Variants in SCAMP1 observed in about 807,000 individuals in gnomAD.
SCAMP1 encodes the protein secretory carrier-associated membrane protein 1.
Under a neutral mutation model 41.8 loss-of-function variants are expected in SCAMP1, and 15 were observed. That is an observed-to-expected ratio of 0.36 (90% confidence interval 0.24 to 0.55). SCAMP1 has a LOEUF of 0.55. Among genes scored for constraint, SCAMP1 ranks in the 20% least tolerant of loss-of-function variants. The pLI is 0.86. For missense variants in SCAMP1, 341 were observed against 412.6 expected, an observed-to-expected ratio of 0.83 and a Z score of 1.50; for synonymous variants, 135 against 136.8, an observed-to-expected ratio of 0.99 and a Z score of 0.09.
chr5:78,447,485 A>G (rs1753079746), intron 6 of SCAMP1, among the ~76,000 whole-genome samples: 1 of 152,228 alleles, frequency 6.6e-6, no homozygotes, highest in Admixed American at 6.5e-5. Context: ...AGAAAGGTAC[A>G]AAGGGAACGT....
chr5:78,403,119 C>A (rs1377477878), intron 2 of SCAMP1, among the ~76,000 whole-genome samples: 1 of 152,160 alleles, frequency 6.6e-6, no homozygotes, highest in Non-Finnish European at 1.5e-5. Flanking sequence ...GATCTGCCTG[C>A]CTCGGCCTCC....
chr5:78,423,726 T>G (rs1752397503), intron 6 of SCAMP1, among the ~76,000 whole-genome samples: 1 of 152,142 alleles, frequency 6.6e-6, no homozygotes, highest in African/African-American at 2.4e-5. Flanking sequence ...TGGTGGAACA[T>G]TTTTACTTGT....
chr5:78,417,535 G>A (rs1752238334), intron 4 of SCAMP1, among the ~76,000 whole-genome samples: 1 of 152,226 alleles, frequency 6.6e-6, no homozygotes, highest in Non-Finnish European at 1.5e-5. Context: ...CAGTAACAAA[G>A]AGTAGGAAAT....
At chr5:78,423,900 A>G (rs982156070) in intron 6 of SCAMP1, among the ~76,000 whole-genome samples, 3 of 150,692 alleles carry the variant, frequency 2.0e-5, no homozygotes, top group Non-Finnish European at 4.4e-5. Flanking sequence ...GCTGGAGTGC[A>G]ATGGCTTGAT....
rs540662845 is a variant in SCAMP1, at chr5:78,476,565, G to A, written c.*897G>A. 2 of 152,612 alleles carry A rather than the reference G, an allele frequency of 1.3e-5. No homozygotes were observed. The highest frequency in any genetic ancestry group is 3.9e-4 in the East Asian group (2 of 5,184). The allele number at this position is 152,612 out of a possible 1,614,324, so 9.5% of individuals were successfully genotyped here. ...ATATTCTGTGGTTACAACTAAGATT[G>A]TGTCTGGCAGCTCTTTTTTGGGGAT... On this transcript the variant is annotated 3_prime_UTR_variant, in exon 9 of 9. Coordinates refer to ENST00000621999, the MANE Select transcript of SCAMP1 (RefSeq NM_004866.6).
chr5:78,440,444 C>T (rs554158308), intron 6 of SCAMP1, among the ~76,000 whole-genome samples: 3 of 152,312 alleles, frequency 2.0e-5, no homozygotes, highest in East Asian at 1.9e-4. Context: ...GGACTGTCAG[C>T]TGCAGGTCTG....
intron 7 of SCAMP1, among the ~76,000 whole-genome samples, chr5:78,450,362 G>A (rs1157957547): frequency 6.6e-6 from 1 of 152,130 alleles, no homozygotes; most frequent in East Asian, 1.9e-4. Flanking sequence ...GGACAGGAAA[G>A]AGCTTCAGGG....
chr5:78,450,434 T>C (rs1753194375), intron 7 of SCAMP1, among the ~76,000 whole-genome samples: 1 of 152,318 alleles, frequency 6.6e-6, no homozygotes, highest in Admixed American at 6.5e-5. Flanking sequence ...CAAACAGATA[T>C]ATTTTTATAT....
intron 7 of SCAMP1, among the ~76,000 whole-genome samples, chr5:78,457,468 C>CT (rs1158398070): frequency 6.6e-6 from 1 of 152,220 alleles, no homozygotes; most frequent in East Asian, 1.9e-4. Context: ...TGTGCCCCTG[C>CT]TGGGGGGTGC....
chr5:78,428,270 T>G (rs1466729775), intron 6 of SCAMP1, among the ~76,000 whole-genome samples: 2 of 152,180 alleles, frequency 1.3e-5, no homozygotes, highest in African/African-American at 2.4e-5. Flanking sequence ...ATCTTTTTGC[T>G]GTGGATATCC....
chr5:78,382,092 G>A (rs183390319), intron 1 of SCAMP1, among the ~76,000 whole-genome samples: 18 of 152,286 alleles, frequency 1.2e-4, no homozygotes, highest in African/African-American at 4.3e-4. Context: ...AGTATCACCT[G>A]AGAACCTTTT....
At chr5:78,394,347 T>C (rs1463394569) in intron 2 of SCAMP1, among the ~76,000 whole-genome samples, 3 of 151,956 alleles carry the variant, frequency 2.0e-5, no homozygotes, top group African/African-American at 7.2e-5. Flanking sequence ...TTTATATATA[T>C]ATATATTACA....
intron 1 of SCAMP1, among the ~76,000 whole-genome samples, chr5:78,363,274 G>C (rs1002013424): frequency 6.6e-6 from 1 of 150,630 alleles, no homozygotes; most frequent in African/African-American, 2.4e-5. Flanking sequence ...GTGCAGTGGC[G>C]CGATCTCTGC....
chr5:78,375,810 T>G (rs191870628), intron 1 of SCAMP1, among the ~76,000 whole-genome samples: 8 of 152,306 alleles, frequency 5.3e-5, no homozygotes, highest in Non-Finnish European at 5.9e-5. Context: ...AAAAGTGAAA[T>G]TATTCTATGA....
At chr5:78,370,788 C>T (rs1172696466) in intron 1 of SCAMP1, 3 of 152,086 alleles carry the variant, frequency 2.0e-5, no homozygotes, top group African/African-American at 7.2e-5. Flanking sequence ...ATTTTATATT[C>T]CTGCTAGCAG....
At chr5:78,379,068 A>G (rs1333041180) in intron 1 of SCAMP1, among the ~76,000 whole-genome samples, 2 of 152,122 alleles carry the variant, frequency 1.3e-5, no homozygotes, top group Non-Finnish European at 2.9e-5. Context: ...GAAGAATAAC[A>G]TTTTCCTGCC....
intron 3 of SCAMP1, 90 bp from the exon 4 acceptor site, chr5:78,416,451 C>T: frequency 1.1e-6 from 1 of 908,248 alleles, no homozygotes. Context: ...TTAGGTTTCT[C>T]TCATAGTAGA....
intron 1 of SCAMP1, among the ~76,000 whole-genome samples, chr5:78,363,251 C>T (rs1399923497): frequency 1.3e-4 from 20 of 149,754 alleles, no homozygotes; most frequent in Middle Eastern, 7.1e-3. Flanking sequence ...CTCCCTCTGT[C>T]GCCCAGGTTG....
chr5:78,476,805 A>T lies in SCAMP1; in HGVS notation c.*1137A>T, dbSNP rs1440675661. ...GAATATATCTAAAATTTCCAGCAATAAAAAAAAAAGCATTTAACTTGCACC... is the reference window on the plus strand; with the variant it reads ...GAATATATCTAAAATTTCCAGCAATTAAAAAAAAAGCATTTAACTTGCACC... On this transcript the variant is annotated 3_prime_UTR_variant, in exon 9 of 9. Coordinates refer to ENST00000621999, the MANE Select transcript of SCAMP1 (RefSeq NM_004866.6). The T allele has an allele frequency of 1.4e-5, 2 of 147,488 alleles. No homozygotes were observed. Among genetic ancestry groups the T allele is most frequent in the Admixed American group, 6.8e-5 (1 of 14,738 alleles). The allele number at this position is 147,488 out of a possible 1,614,324, so 9.1% of individuals were successfully genotyped here.
Sources: allele counts gnomAD v4.1 joint callset (sites outside exome capture counted in the v4.1 genomes callset), GRCh38; gene constraint gnomAD v4.1.1; transcripts MANE v1.5; gene names NCBI Gene and HGNC (gene_info 2026-07-23, HGNC 2026-07-21).